CSGALNACT1: variants seen among roughly 807,000 people sequenced by gnomAD.
CSGALNACT1 encodes the protein beta4GalNAcT-1.
CSGALNACT1 carries 52 observed loss-of-function variants against 51.0 expected under a neutral mutation model. The observed-to-expected ratio is 1.02, with a 90% CI of 0.82 to 1.29. The LOEUF is 1.29. CSGALNACT1 is among the 50% of genes most tolerant of loss of function. The pLI is 0.00. For synonymous variants in CSGALNACT1, 341 were observed against 254.4 expected (o/e 1.34, Z -3.24); for missense variants, 935 against 679.2 (o/e 1.38, Z -4.19).
intron 5 of CSGALNACT1, among the ~76,000 whole-genome samples, chr8:19,447,935 T>C (rs983960050): frequency 2.6e-5 from 4 of 152,168 alleles, no homozygotes; most frequent in Non-Finnish European, 5.9e-5. Flanking sequence ...GGGAATGTAA[T>C]GGTGTTAGTG....
At chr8:19,676,110 C>A (rs1482312060) in intron 1 of CSGALNACT1, among the ~76,000 whole-genome samples, 9 of 80,096 alleles carry the variant, frequency 1.1e-4, no homozygotes, top group South Asian at 4.4e-4. Context: ...ACAAAAAAAA[C>A]TCCCAGATTA....
chr8:19,466,256 G>T (rs1266537398), intron 4 of CSGALNACT1, among the ~76,000 whole-genome samples: 1 of 152,186 alleles, frequency 6.6e-6, no homozygotes, highest in East Asian at 1.9e-4. Flanking sequence ...TGACAGAAGG[G>T]AGAGGGCAAA....
intron 3 of CSGALNACT1, among the ~76,000 whole-genome samples, chr8:19,530,442 T>C (rs981150968): frequency 7.2e-5 from 11 of 152,128 alleles, no homozygotes; most frequent in Admixed American, 7.2e-4. Flanking sequence ...CATAGATGAG[T>C]AACAGATTTT....
At chr8:19,649,845 A>AAAAAAAC (rs1564347663) in intron 1 of CSGALNACT1, among the ~76,000 whole-genome samples, 1 of 143,510 alleles carries the variant, frequency 7.0e-6, no homozygotes, top group Non-Finnish European at 1.5e-5. Context: ...AAAAAAAAAA[A>AAAAAAAC]CCACGGGGGG....
At chr8:19,736,750 A>G (rs886557985) in intron 1 of CSGALNACT1, among the ~76,000 whole-genome samples, 1 of 152,170 alleles carries the variant, frequency 6.6e-6, no homozygotes, top group Non-Finnish European at 1.5e-5. Flanking sequence ...AGAAATATGA[A>G]CTAGATTTAA....
chr8:19,732,315 C>A (rs1295048528), intron 1 of CSGALNACT1: 3 of 152,158 alleles, frequency 2.0e-5, no homozygotes, highest in Non-Finnish European at 4.4e-5. Flanking sequence ...AGTATTTCTA[C>A]AATAAAATAC....
intron 1 of CSGALNACT1, among the ~76,000 whole-genome samples, chr8:19,666,684 C>T (rs1482181343): frequency 6.8e-6 from 1 of 148,146 alleles, no homozygotes; most frequent in Non-Finnish European, 1.5e-5. Flanking sequence ...ATTGACAAAC[C>T]AAGACTGTCC....
At chr8:19,588,576 A>G (rs1461446318) in intron 3 of CSGALNACT1, among the ~76,000 whole-genome samples, 1 of 152,224 alleles carries the variant, frequency 6.6e-6, no homozygotes, top group Non-Finnish European at 1.5e-5. Flanking sequence ...AGGTCCTCTT[A>G]TACACCAGGC....
At chr8:19,731,018 G>T (rs1275827077) in intron 1 of CSGALNACT1, among the ~76,000 whole-genome samples, 6 of 152,150 alleles carry the variant, frequency 3.9e-5, no homozygotes, top group African/African-American at 1.4e-4. Flanking sequence ...CCAGGACAGG[G>T]ATCCCCACTG....
At chr8:19,514,083 C>A (rs2079009028) in intron 3 of CSGALNACT1, among the ~76,000 whole-genome samples, 1 of 152,116 alleles carries the variant, frequency 6.6e-6, no homozygotes, top group South Asian at 2.1e-4. Flanking sequence ...TATCTATGGG[C>A]CAAGTGCTTT....
upstream of CSGALNACT1, among the ~76,000 whole-genome samples, chr8:19,685,833 T>G (rs116733423): frequency 6.5e-3 from 997 of 152,260 alleles, 12 homozygotes; most frequent in African/African-American, 0.022. Context: ...GAAGAGGTAG[T>G]TTTGGAGTAA....
rs147388348 is a variant in CSGALNACT1 at position 19,653,193 on chromosome 8, C to T, written c.-544+29280G>A. ...GGAGACTTCTGTCCCCTCGATTTTG[C>T]TTCCCTTCAACCCACATTCCCAATG... On this transcript the variant is annotated intron_variant, in intron 1 of 9. Coordinates refer to the CSGALNACT1 transcript ENST00000332246. Among the ~76,000 whole-genome samples, 5 of 152,296 alleles carry T rather than the reference C, an allele frequency of 3.3e-5. No homozygotes were observed. In the East Asian group the frequency reaches 7.7e-4, roughly 24 times the overall value.
intron 3 of CSGALNACT1, among the ~76,000 whole-genome samples, chr8:19,510,788 A>C (rs1338897163): frequency 2.0e-5 from 3 of 152,256 alleles, no homozygotes; most frequent in African/African-American, 7.2e-5. Flanking sequence ...ATTTGTCAAG[A>C]TAAGATATCC....
chr8:19,575,150 G>C (rs1185264555), intron 3 of CSGALNACT1, among the ~76,000 whole-genome samples: 2 of 152,146 alleles, frequency 1.3e-5, no homozygotes, highest in Non-Finnish European at 2.9e-5. Flanking sequence ...TGGATCTCTA[G>C]TGCAAAATGC....
intron 1 of CSGALNACT1, among the ~76,000 whole-genome samples, chr8:19,693,561 C>T (rs1049398612): frequency 5.3e-5 from 8 of 152,250 alleles, no homozygotes; most frequent in Admixed American, 2.0e-4. Flanking sequence ...ATCTTGATCA[C>T]GCCTTACCTG....
intron 2 of CSGALNACT1, among the ~76,000 whole-genome samples, chr8:19,597,110 C>A (rs2049068536): frequency 6.6e-6 from 1 of 152,106 alleles, no homozygotes; most frequent in African/African-American, 2.4e-5. Flanking sequence ...CATACTGCGA[C>A]TGGCTAATTT....
intron 1 of CSGALNACT1, among the ~76,000 whole-genome samples, chr8:19,630,813 A>C (rs1051643625): frequency 6.6e-6 from 1 of 152,030 alleles, no homozygotes; most frequent in East Asian, 1.9e-4. Flanking sequence ...CTCTTTTTGA[A>C]AAACAGACTA....
chr8:19,718,692 T>C (rs767812858), intron 1 of CSGALNACT1, among the ~76,000 whole-genome samples: 3 of 152,192 alleles, frequency 2.0e-5, no homozygotes, highest in Non-Finnish European at 2.9e-5. Flanking sequence ...CAGTTTGCAG[T>C]TGTTTGCCAT....
At chr8:19,630,198 G>C (rs1435390864) in intron 1 of CSGALNACT1, among the ~76,000 whole-genome samples, 2,028 of 31,600 alleles carry the variant, frequency 0.064, 20 homozygotes, top group Non-Finnish European at 0.089. Context: ...ACGTCTCTGT[G>C]TGTGTGTGTG....
Sources: gnomAD v4.1 joint callset for allele counts (sites outside exome capture counted in the v4.1 genomes callset) on GRCh38, gnomAD v4.1.1 for gene constraint, MANE v1.5 for transcripts, NCBI Gene and HGNC (gene_info 2026-07-23, HGNC 2026-07-21) for gene names.